Variants in DLG2 observed in about 807,000 individuals in gnomAD.
DLG2 encodes the protein discs large MAGUK scaffold protein 2, also known as disks large homolog 2.
DLG2 carries 45 observed loss-of-function variants against 132.5 expected under a neutral mutation model. The observed-to-expected ratio is 0.34, with a 90% confidence interval of 0.27 to 0.44. The LOEUF (loss-of-function observed/expected upper bound fraction) is 0.44. DLG2 is among the 20% of genes least tolerant of loss of function. The pLI, the probability that DLG2 is intolerant of heterozygous loss-of-function variation, is 1.00. For missense variants in DLG2, 1,045 were observed against 1,196.9 expected (o/e 0.87, Z 1.87); for synonymous variants, 424 against 419.6 (o/e 1.01, Z -0.13).
intron 7 of DLG2, among the ~76,000 whole-genome samples, chr11:84,400,665 T>C (rs1013711288): frequency 1.3e-5 from 2 of 152,194 alleles, no homozygotes; most frequent in African/African-American, 4.8e-5. Context: ...TTTCCTTTTC[T>C]CAAATGATAC....
At chr11:85,405,055 A>T (rs1021707892) in intron 3 of DLG2, among the ~76,000 whole-genome samples, 6 of 151,948 alleles carry the variant, frequency 3.9e-5, no homozygotes, top group South Asian at 2.1e-4. Context: ...ATATAGTTTT[A>T]AAAAATGTTG....
At chr11:84,842,702 C>T (rs1409990673) in intron 6 of DLG2, among the ~76,000 whole-genome samples, 2 of 151,486 alleles carry the variant, frequency 1.3e-5, no homozygotes, top group African/African-American at 2.4e-5. Context: ...ATAAATGGTT[C>T]CCGAGATTTT....
intron 7 of DLG2, among the ~76,000 whole-genome samples, chr11:84,252,408 A>C (rs895288879): frequency 6.6e-6 from 1 of 151,602 alleles, no homozygotes; most frequent in African/African-American, 2.4e-5. Context: ...TCAGCCTCCC[A>C]ATACAGGCGT....
At chr11:83,881,046 TTA>T (rs1491224311) in intron 15 of DLG2, among the ~76,000 whole-genome samples, 4 of 77,198 alleles carry the variant, frequency 5.2e-5, no homozygotes, top group Non-Finnish European at 9.8e-5. Flanking sequence ...TTCCATTTTT[TTA>T]AAAAAAATGA....
At chr11:85,425,529 A>C (rs2090646588) in intron 3 of DLG2, among the ~76,000 whole-genome samples, 1 of 152,200 alleles carries the variant, frequency 6.6e-6, no homozygotes, top group Non-Finnish European at 1.5e-5. Context: ...AATTGAAAAA[A>C]AACTTTTAGA....
chr11:84,001,714 T>A (rs2154046373), intron 11 of DLG2, among the ~76,000 whole-genome samples: 1 of 152,114 alleles, frequency 6.6e-6, no homozygotes, highest in Non-Finnish European at 1.5e-5. Flanking sequence ...TCTCAACAAC[T>A]TAAAAAATCA....
At chr11:84,526,847 C>G (rs1227235519) in intron 7 of DLG2, among the ~76,000 whole-genome samples, 1 of 143,612 alleles carries the variant, frequency 7.0e-6, no homozygotes, top group Non-Finnish European at 1.5e-5. Flanking sequence ...GGCGCAATCT[C>G]GGCTCACTGC....
chr11:85,020,243 T>TC (rs1184001295), intron 6 of DLG2, among the ~76,000 whole-genome samples: 1 of 152,212 alleles, frequency 6.6e-6, no homozygotes, highest in African/African-American at 2.4e-5. Flanking sequence ...TTTTCATGTG[T>TC]TGTTGGCTGC....
At chr11:84,762,643 T>G (rs557460977) in intron 6 of DLG2, among the ~76,000 whole-genome samples, 1 of 152,342 alleles carries the variant, frequency 6.6e-6, no homozygotes, top group African/African-American at 2.4e-5. Flanking sequence ...TGGCACTACC[T>G]TCCAAAAGAA....
intron 16 of DLG2, among the ~76,000 whole-genome samples, chr11:83,846,349 T>C (rs949110157): frequency 2.6e-5 from 4 of 152,252 alleles, no homozygotes; most frequent in African/African-American, 4.8e-5. Flanking sequence ...ATTCACACTT[T>C]ATACTTGGAT....
At chr11:83,682,807 A>G (rs2443455) in intron 18 of DLG2, among the ~76,000 whole-genome samples, 70,082 of 151,930 alleles carry the variant, frequency 0.46, 17,850 homozygotes, top group African/African-American at 0.68. Flanking sequence ...AAATGGCTTT[A>G]TTTGGTATTC....
intron 19 of DLG2, among the ~76,000 whole-genome samples, chr11:83,618,809 T>C (rs950496830): frequency 1.8e-4 from 28 of 152,184 alleles, no homozygotes; most frequent in African/African-American, 6.5e-4. Flanking sequence ...AGCTTTGCTT[T>C]TGGAACCTAC....
intron 10 of DLG2, among the ~76,000 whole-genome samples, chr11:84,098,272 C>A (rs921911642): frequency 6.6e-6 from 1 of 152,118 alleles, no homozygotes; most frequent in African/African-American, 2.4e-5. Context: ...CTCCTGACCT[C>A]AAGTGATCCA....
At chr11:84,997,600 T>G (rs908968348) in intron 6 of DLG2, 7 of 152,216 alleles carry the variant, frequency 4.6e-5, no homozygotes, top group Non-Finnish European at 7.3e-5. Context: ...AGTCCTCAGG[T>G]GATCTTGACC....
intron 21 of DLG2, among the ~76,000 whole-genome samples, chr11:83,499,262 T>C (rs2094319121): frequency 6.6e-6 from 1 of 152,158 alleles, no homozygotes. Flanking sequence ...AAAAGAAGAC[T>C]ACAAACCAAG....
At chr11:85,455,005 A>T (rs2092373865) in intron 3 of DLG2, among the ~76,000 whole-genome samples, 1 of 151,990 alleles carries the variant, frequency 6.6e-6, no homozygotes, top group South Asian at 2.1e-4. Flanking sequence ...GGGTATTTGG[A>T]TTCTTTTTTG....
At position 85,483,909 on chromosome 11, in the gene DLG2, G is replaced by GAAT. The variant is rs1344006174; in HGVS notation, c.40+114745_40+114747dup. On this transcript the variant is annotated intron_variant, in intron 3 of 27. Coordinates refer to ENST00000376104, the MANE Select transcript of DLG2 (RefSeq NM_001142699.3). ...CAGTGAGCCAAAAAAAAAAAAAAAA[G>GAAT]AATAATAATAGCTACAATACTTTAT... Among the ~76,000 whole-genome samples, 41 of 142,020 alleles carry GAAT rather than the reference G, an allele frequency of 2.9e-4. 1 individual carries two copies. In the South Asian group the frequency reaches 8.6e-3, roughly 30 times the overall value. 93.2% of individuals were successfully genotyped at this position (142,020 alleles called of 152,430 possible).
intron 6 of DLG2, among the ~76,000 whole-genome samples, chr11:84,626,952 A>C (rs1200543517): frequency 1.3e-5 from 2 of 151,570 alleles, no homozygotes; most frequent in African/African-American, 4.9e-5. Flanking sequence ...GCTCACTGCA[A>C]CCTCTGCCTC....
intron 7 of DLG2, among the ~76,000 whole-genome samples, chr11:84,502,278 CCTTCTTTCTTTCTTT>C: frequency 1.9e-5 from 1 of 53,710 alleles, no homozygotes; most frequent in East Asian, 3.2e-4. Context: ...TTCCTTCCTT[CCTTCTTTCTTTCTTT>C]CTTTCTTTCT....
Sources: allele counts gnomAD v4.1 joint callset (sites outside exome capture counted in the v4.1 genomes callset), GRCh38; gene constraint gnomAD v4.1.1; transcripts MANE v1.5; gene names NCBI Gene and HGNC (gene_info 2026-07-23, HGNC 2026-07-21).